ADGRB3: variants seen among roughly 807,000 people sequenced by gnomAD.
ADGRB3 encodes the protein brain-specific angiogenesis inhibitor 3.
Under a neutral mutation model 193.4 loss-of-function variants are expected in ADGRB3, and 37 were observed. The ratio of observed to expected loss-of-function variants is 0.19; its 90% confidence interval spans 0.15 to 0.25. ADGRB3 has a LOEUF of 0.25. Among genes scored for constraint, ADGRB3 ranks in the 10% least tolerant of loss-of-function variants. The pLI, the probability that ADGRB3 is intolerant of heterozygous loss-of-function variation, is 1.00. For synonymous variants in ADGRB3, 690 were observed against 644.2 expected (o/e 1.07, Z -1.08); for missense variants, 1,637 against 1,852.9 (o/e 0.88, Z 2.14).
At chr6:69,007,609 A>T (rs1481978125) in intron 11 of ADGRB3, among the ~76,000 whole-genome samples, 2 of 150,958 alleles carry the variant, frequency 1.3e-5, no homozygotes. Context: ...TTCTGGTCTC[A>T]GTTCAAATGT....
intron 3 of ADGRB3, among the ~76,000 whole-genome samples, chr6:68,653,799 C>T (rs551975761): frequency 1.3e-5 from 2 of 151,926 alleles, no homozygotes; most frequent in South Asian, 2.1e-4. Flanking sequence ...AAGAACTTGT[C>T]CTGTTCTCTT....
At chr6:68,899,953 G>T (rs193099699) in intron 3 of ADGRB3, among the ~76,000 whole-genome samples, 1 of 152,024 alleles carries the variant, frequency 6.6e-6, no homozygotes, top group South Asian at 2.1e-4. Flanking sequence ...TGAGAAAAAG[G>T]CATGAGTAAT....
intron 3 of ADGRB3, among the ~76,000 whole-genome samples, chr6:68,642,225 G>T (rs1380465289): frequency 6.6e-6 from 1 of 152,088 alleles, no homozygotes; most frequent in Non-Finnish European, 1.5e-5. Flanking sequence ...CATAGAAGTG[G>T]CACAAATTTG....
intron 4 of ADGRB3, among the ~76,000 whole-genome samples, chr6:68,934,748 C>T (rs1190947260): frequency 6.6e-6 from 1 of 152,062 alleles, no homozygotes; most frequent in Non-Finnish European, 1.5e-5. Flanking sequence ...TATTATCCTT[C>T]TATTTGGTTT....
intron 23 of ADGRB3, chr6:69,331,545 C>T: frequency 1.0e-6 from 1 of 985,196 alleles, no homozygotes; most frequent in Non-Finnish European, 1.2e-6. Context: ...GCTTGTTCTC[C>T]CTCAACTAAG....
At chr6:69,102,811 T>A (rs1385342859) in intron 17 of ADGRB3, among the ~76,000 whole-genome samples, 1 of 152,230 alleles carries the variant, frequency 6.6e-6, no homozygotes, top group Non-Finnish European at 1.5e-5. Flanking sequence ...ACAACCTTTT[T>A]TTGATATACT....
At chr6:68,792,770 T>C (rs1272496261) in intron 3 of ADGRB3, among the ~76,000 whole-genome samples, 1 of 152,184 alleles carries the variant, frequency 6.6e-6, no homozygotes, top group African/African-American at 2.4e-5. Flanking sequence ...GTGATACTTA[T>C]TTTTTATCAA....
chr6:69,324,415 G>T, intron 20 of ADGRB3, among the ~76,000 whole-genome samples: 1 of 152,052 alleles, frequency 6.6e-6, no homozygotes, highest in East Asian at 1.9e-4. Context: ...TTGAAAGGCT[G>T]TTACTCTTAC....
intron 17 of ADGRB3, among the ~76,000 whole-genome samples, chr6:69,221,456 G>T (rs1461904553): frequency 1.3e-5 from 2 of 152,096 alleles, no homozygotes; most frequent in Non-Finnish European, 2.9e-5. Flanking sequence ...GAGTAGTCTG[G>T]CAAATGACTG....
At chr6:69,064,257 A>G (rs1771833190) in intron 16 of ADGRB3, among the ~76,000 whole-genome samples, 1 of 152,122 alleles carries the variant, frequency 6.6e-6, no homozygotes, top group South Asian at 2.1e-4. Flanking sequence ...TTCAAAGATC[A>G]TTTGATATTT....
intron 17 of ADGRB3, among the ~76,000 whole-genome samples, chr6:69,177,767 T>A (rs1268956338): frequency 6.6e-6 from 1 of 152,214 alleles, no homozygotes; most frequent in African/African-American, 2.4e-5. Context: ...TTGGTATTGG[T>A]TTTCATTTTT....
At chr6:69,366,879 C>G (rs1356992883) in intron 29 of ADGRB3, among the ~76,000 whole-genome samples, 5 of 152,098 alleles carry the variant, frequency 3.3e-5, no homozygotes, top group Non-Finnish European at 7.4e-5. Flanking sequence ...GTGCCATGCC[C>G]TCTGCTAGAT....
chr6:69,033,324 A>G (rs1271612935), intron 13 of ADGRB3, among the ~76,000 whole-genome samples: 2 of 152,160 alleles, frequency 1.3e-5, no homozygotes, highest in African/African-American at 4.8e-5. Context: ...ATTCATACAA[A>G]TAAATAGTTT....
chr6:69,066,369 CA>C (rs2150309358), intron 16 of ADGRB3, among the ~76,000 whole-genome samples: 1 of 149,198 alleles, frequency 6.7e-6, no homozygotes, highest in South Asian at 2.1e-4. Context: ...ATTAAAATGC[CA>C]TGTGAAAAAA....
intron 3 of ADGRB3, among the ~76,000 whole-genome samples, chr6:68,720,969 G>A (rs1397340838): frequency 1.3e-5 from 2 of 151,704 alleles, no homozygotes; most frequent in East Asian, 2.0e-4. Context: ...TCTTCAAAAT[G>A]GGCGAGATAT....
At chr6:68,975,689 A>C (rs927289589) in intron 10 of ADGRB3, among the ~76,000 whole-genome samples, 3 of 152,198 alleles carry the variant, frequency 2.0e-5, no homozygotes, top group African/African-American at 7.2e-5. Context: ...AATATCATAC[A>C]TTTTAAAATT....
intron 13 of ADGRB3, among the ~76,000 whole-genome samples, chr6:69,024,659 C>A (rs574921823): frequency 6.6e-6 from 1 of 152,186 alleles, no homozygotes; most frequent in East Asian, 1.9e-4. Context: ...ATATATAAAC[C>A]CTAACAGATA....
At chr6:68,967,007 CA>C (rs1229375832) in intron 8 of ADGRB3, among the ~76,000 whole-genome samples, 2 of 152,092 alleles carry the variant, frequency 1.3e-5, no homozygotes, top group Non-Finnish European at 2.9e-5. Context: ...CAAAGAATGC[CA>C]AGTCACCTTT....
chr6:69,333,874 G>C (rs955033286), intron 24 of ADGRB3, among the ~76,000 whole-genome samples: 2 of 150,670 alleles, frequency 1.3e-5, no homozygotes, highest in South Asian at 2.1e-4. Context: ...AGCTTGCAGA[G>C]AGCCAAGATC....
Sources: gnomAD v4.1 joint callset for allele counts (sites outside exome capture counted in the v4.1 genomes callset) on GRCh38, gnomAD v4.1.1 for gene constraint, MANE v1.5 for transcripts, NCBI Gene and HGNC (gene_info 2026-07-23, HGNC 2026-07-21) for gene names.